ARL6IP6: variants seen among roughly 807,000 people sequenced by gnomAD.
The protein encoded by ARL6IP6 is ADP-ribosylation factor-like protein 6-interacting protein 6.
Under a neutral mutation model 21.5 loss-of-function variants are expected in ARL6IP6, and 22 were observed. The ratio of observed to expected loss-of-function variants is 1.02; its 90% CI spans 0.73 to 1.46. The LOEUF (loss-of-function observed/expected upper bound fraction) is 1.46, where lower values mean the gene tolerates loss of function less well. Among genes scored for constraint, ARL6IP6 ranks in the 40% most tolerant of loss-of-function variants. ARL6IP6 has a pLI of 0.00. For missense variants in ARL6IP6, 388 were observed against 299.8 expected (o/e 1.29, Z -2.17); for synonymous variants, 164 against 125.3 (o/e 1.31, Z -2.06).
Position 152,760,769 on chromosome 2 carries a change from G to A in ARL6IP6, c.*929G>A, listed in dbSNP as rs989179995. The A allele has an allele frequency of 2.6e-5, 4 of 151,388 alleles. No homozygotes were observed. Among genetic ancestry groups the A allele is most frequent in the African/African-American group, 7.3e-5 (3 of 41,216 alleles). 9.4% of individuals were successfully genotyped at this position (151,388 alleles called of 1,614,324 possible). On this transcript the variant is annotated 3_prime_UTR_variant, in exon 4 of 4. Transcript: ENST00000326446. ...TAATAAATATAAACATGAAATTTTTGTATGTGAGAATGATTGAACTAGTTT... is the reference window on the plus strand; with the variant it reads ...TAATAAATATAAACATGAAATTTTTATATGTGAGAATGATTGAACTAGTTT...
chr2:152,742,055 T>C (rs1286315674), intron 3 of ARL6IP6, among the ~76,000 whole-genome samples: 2 of 152,240 alleles, frequency 1.3e-5, no homozygotes, highest in Non-Finnish European at 2.9e-5. Flanking sequence ...TCTTCTACAC[T>C]ACCTACTCAA....
chr2:152,744,284 A>T (rs1347432050), intron 3 of ARL6IP6, among the ~76,000 whole-genome samples: 1 of 152,170 alleles, frequency 6.6e-6, no homozygotes, highest in Admixed American at 6.5e-5. Context: ...GTTTTAAGCT[A>T]CAGTATTCTT....
intron 3 of ARL6IP6, among the ~76,000 whole-genome samples, chr2:152,752,514 C>G (rs940694816): frequency 6.6e-6 from 1 of 152,150 alleles, no homozygotes; most frequent in African/African-American, 2.4e-5. Context: ...AATACATGAA[C>G]GAAGCAGCGA....
intron 1 of ARL6IP6, 107 bp from the exon 2 acceptor site, chr2:152,720,426 G>T: frequency 4.7e-6 from 5 of 1,067,748 alleles, no homozygotes; most frequent in South Asian, 2.6e-5. Flanking sequence ...CCAGTTCTTT[G>T]TGACTCCAGA....
intron 3 of ARL6IP6, among the ~76,000 whole-genome samples, chr2:152,754,613 G>GAAA (rs1701493075): frequency 6.6e-6 from 1 of 152,108 alleles, no homozygotes; most frequent in East Asian, 1.9e-4. Context: ...TGTTAACTCT[G>GAAA]TGTTTAACTT....
chr2:152,718,542 C>T, upstream of ARL6IP6: 1 of 1,482,674 alleles, frequency 6.7e-7, no homozygotes, highest in Non-Finnish European at 8.9e-7. Flanking sequence ...GTAGCGGCCA[C>T]TGCCGCGGAT....
chr2:152,740,403 G>A (rs1700752399), intron 3 of ARL6IP6, among the ~76,000 whole-genome samples: 2 of 152,080 alleles, frequency 1.3e-5, no homozygotes, highest in Admixed American at 6.6e-5. Flanking sequence ...CCAGCCTAGT[G>A]ATCCAGTTTT....
intron 1 of ARL6IP6, 28 bp downstream of exon 1, chr2:152,719,052 G>C: frequency 6.7e-7 from 1 of 1,496,954 alleles, no homozygotes; most frequent in Non-Finnish European, 8.9e-7. Flanking sequence ...TTGAAAGTCT[G>C]TCCAGAGTAA....
At chr2:152,734,569 C>T (rs1329521945) in intron 2 of ARL6IP6, among the ~76,000 whole-genome samples, 1 of 152,170 alleles carries the variant, frequency 6.6e-6, no homozygotes, top group Non-Finnish European at 1.5e-5. Flanking sequence ...AGGCACACTG[C>T]AACCTCAAAC....
chr2:152,730,333 T>G (rs1014044108), intron 2 of ARL6IP6, among the ~76,000 whole-genome samples: 1 of 152,184 alleles, frequency 6.6e-6, no homozygotes, highest in Non-Finnish European at 1.5e-5. Context: ...CTCACTTATC[T>G]AGAAGTTTCA....
chr2:152,718,963 C>T lies in ARL6IP6; in HGVS notation c.339C>T (p.Cys113=). 1 of 1,601,210 alleles carries T rather than the reference C, an allele frequency of 6.2e-7. No individual in the cohort carries two copies. The highest frequency in any genetic ancestry group is 8.5e-7 in the Non-Finnish European group (1 of 1,172,772). The part of the protein sequence containing the change: ...RWPVQVLSIL[C]SLLFAILLAF... ...CGGTCCAGGTCCTCTCTATTCTCTG[C>T]TCGCTGCTCTTCGCCATTCTTCTCG... The change falls in exon 1 of 4, where the codon TGC becomes TGT. Residue 113 remains cysteine (C), a synonymous_variant. Transcript: ENST00000326446.
At chr2:152,731,815 A>G (rs973923356) in intron 2 of ARL6IP6, among the ~76,000 whole-genome samples, 3 of 152,150 alleles carry the variant, frequency 2.0e-5, no homozygotes, top group Non-Finnish European at 4.4e-5. Context: ...TACAATATAC[A>G]TTTCTTCATA....
At position 152,751,164 on chromosome 2, in the gene ARL6IP6, T is replaced by C. The variant is rs1019142583; in HGVS notation, c.588-8583T>C. Among the ~76,000 whole-genome samples the C allele has an allele frequency of 2.6e-5, 4 of 152,120 alleles. No homozygotes were observed. The East Asian group carries it at 7.7e-4, about 29-fold the overall frequency. ...CTGTAGTTTTACTTGAATGGAAATT[T>C]TTTAATTTTTATCTGATCAAGTTTC... On this transcript the variant is annotated intron_variant, in intron 3 of 3. Coordinates refer to ENST00000326446, the MANE Select transcript of ARL6IP6 (RefSeq NM_152522.7).
In ARL6IP6 at chr2:152,718,953, C is replaced by G; in HGVS notation, c.329C>G (p.Ser110Cys). The change falls in exon 1 of 4, where the codon TCT (serine) becomes TGT (cysteine). Residue 110 changes from serine (S) to cysteine (C), a missense_variant. Transcript: ENST00000326446. ...CGGCGGTGGCCGGTCCAGGTCCTCT[C>G]TATTCTCTGCTCGCTGCTCTTCGCC... is the stretch of plus-strand genomic sequence containing the variant. ...QPRRWPVQVL[S>C]ILCSLLFAIL... The G allele has an allele frequency of 6.2e-7, 1 of 1,608,074 alleles. No individual in the cohort carries two copies. Among genetic ancestry groups the G allele is most frequent in the Non-Finnish European group, 8.5e-7 (1 of 1,176,634 alleles).
intron 2 of ARL6IP6, chr2:152,732,619 C>T: frequency 7.0e-6 from 3 of 428,544 alleles, no homozygotes. Context: ...TTCAATTTGA[C>T]ATTTTATTTT....
intron 2 of ARL6IP6, among the ~76,000 whole-genome samples, chr2:152,723,935 T>C (rs1699909707): frequency 6.6e-6 from 1 of 152,092 alleles, no homozygotes; most frequent in Non-Finnish European, 1.5e-5. Context: ...AGCCAGTGTG[T>C]GGACTTTATA....
At chr2:152,748,779 T>C (rs970331704) in intron 3 of ARL6IP6, among the ~76,000 whole-genome samples, 2 of 152,214 alleles carry the variant, frequency 1.3e-5, no homozygotes, top group African/African-American at 4.8e-5. Context: ...GGAATACCTG[T>C]GTGGGAAAGA....
intron 2 of ARL6IP6, among the ~76,000 whole-genome samples, chr2:152,727,435 T>C (rs890855659): frequency 6.6e-6 from 1 of 152,182 alleles, no homozygotes; most frequent in East Asian, 1.9e-4. Context: ...AAAAATTTTT[T>C]AATTTAGCGT....
At chr2:152,733,439 A>G (rs1054828783) in intron 2 of ARL6IP6, among the ~76,000 whole-genome samples, 2 of 151,954 alleles carry the variant, frequency 1.3e-5, no homozygotes, top group African/African-American at 4.8e-5. Context: ...TAATTTTTGT[A>G]TTTTTAGTAG....
Sources: gnomAD v4.1 joint callset for allele counts (sites outside exome capture counted in the v4.1 genomes callset) on GRCh38, gnomAD v4.1.1 for gene constraint, MANE v1.5 for transcripts, NCBI Gene and HGNC (gene_info 2026-07-23, HGNC 2026-07-21) for gene names.